The following CDH23 variants were observed in gnomAD, a reference collection of about 807,000 sequenced individuals.
The protein encoded by CDH23 is cadherin related 23.
In CDH23, 189 loss-of-function variants were observed where a neutral mutation model predicts 317.1. The observed-to-expected ratio is 0.60, with a 90% confidence interval of 0.53 to 0.67. CDH23 has a LOEUF of 0.67. Among genes scored for constraint, CDH23 ranks in the 30% least tolerant of loss-of-function variants. The pLI, the probability that CDH23 is intolerant of heterozygous loss-of-function variation, is 0.00. For missense variants in CDH23, 4,401 were observed against 4,592.4 expected (o/e 0.96, Z 1.20); for synonymous variants, 1,839 against 1,876.8 (o/e 0.98, Z 0.52).
At chr10:71,664,569 A>T (rs1417055496) in intron 14 of CDH23, among the ~76,000 whole-genome samples, 2 of 152,204 alleles carry the variant, frequency 1.3e-5, no homozygotes, top group East Asian at 3.9e-4. Flanking sequence ...ATGTTTGCAG[A>T]GGGCTGGACA....
At chr10:71,679,871 G>A (rs1417939962) in intron 17 of CDH23, among the ~76,000 whole-genome samples, 1 of 152,204 alleles carries the variant, frequency 6.6e-6, no homozygotes, top group Non-Finnish European at 1.5e-5. Flanking sequence ...GTGGGACCAG[G>A]CACTCTGCAC....
intron 14 of CDH23, among the ~76,000 whole-genome samples, chr10:71,649,189 C>T (rs1417486624): frequency 6.6e-6 from 1 of 152,180 alleles, no homozygotes; most frequent in African/African-American, 2.4e-5. Context: ...CCTCCTTCAC[C>T]CGGCAGCTCT....
At chr10:71,671,738 T>C (rs978503693) in intron 14 of CDH23, among the ~76,000 whole-genome samples, 1 of 152,128 alleles carries the variant, frequency 6.6e-6, no homozygotes, top group Non-Finnish European at 1.5e-5. Flanking sequence ...GGGGGGCTGC[T>C]CTGGGAATAC....
At chr10:71,712,497 GTTA>G (rs1866013737) in intron 27 of CDH23, 165 bp from the exon 28 acceptor site, 1 of 648,138 alleles carries the variant, frequency 1.5e-6, no homozygotes, top group Non-Finnish European at 2.7e-6. Context: ...ATTTGATACT[GTTA>G]GTGTTATTCC....
At chr10:71,568,232 G>A (rs1382758258) in intron 7 of CDH23, among the ~76,000 whole-genome samples, 3 of 152,356 alleles carry the variant, frequency 2.0e-5, no homozygotes, top group Admixed American at 6.5e-5. Flanking sequence ...GCTGCTGTTT[G>A]TAAAACTGAC....
intron 32 of CDH23, 135 bp downstream of exon 32, chr10:71,732,510 T>A: frequency 7.3e-7 from 1 of 1,363,466 alleles, no homozygotes; most frequent in Non-Finnish European, 9.9e-7. Context: ...TAGGTACCTG[T>A]AGTCCCAGCT....
chr10:71,573,044 C>T (rs2132383068), intron 8 of CDH23, among the ~76,000 whole-genome samples: 1 of 152,340 alleles, frequency 6.6e-6, no homozygotes, highest in African/African-American at 2.4e-5. Flanking sequence ...CTGACCAGGT[C>T]CTCACTGGGA....
At chr10:71,484,293 A>G (rs910053621) in intron 3 of CDH23, among the ~76,000 whole-genome samples, 11 of 152,226 alleles carry the variant, frequency 7.2e-5, no homozygotes, top group Admixed American at 6.5e-4. Flanking sequence ...ATAAGCAGAC[A>G]GGGCCAAAGT....
chr10:71,777,558 C>T, intron 38 of CDH23, 122 bp from the exon 39 acceptor site: 1 of 829,286 alleles, frequency 1.2e-6, no homozygotes, highest in Non-Finnish European at 1.9e-6. Flanking sequence ...CCCCTGCTTT[C>T]TTCTCCTTGC....
At chr10:71,654,808 G>C (rs1343353343) in intron 14 of CDH23, among the ~76,000 whole-genome samples, 1 of 152,180 alleles carries the variant, frequency 6.6e-6, no homozygotes, top group African/African-American at 2.4e-5. Context: ...GCCTCTGGGG[G>C]AGGAGTGTCC....
chr10:71,632,465 T>C (rs1464102257), intron 11 of CDH23, among the ~76,000 whole-genome samples: 1 of 152,062 alleles, frequency 6.6e-6, no homozygotes, highest in Non-Finnish European at 1.5e-5. Context: ...ATGGGGGTGG[T>C]ACCAGTGGGC....
chr10:71,771,478 T>G (rs1225658776), intron 38 of CDH23, among the ~76,000 whole-genome samples: 1 of 152,208 alleles, frequency 6.6e-6, no homozygotes, highest in Non-Finnish European at 1.5e-5. Context: ...CTTCTCAACT[T>G]ACAGATCCTG....
intron 60 of CDH23, 148 bp downstream of exon 60, chr10:71,808,155 A>G: frequency 1.1e-6 from 1 of 942,000 alleles, no homozygotes; most frequent in Admixed American, 2.3e-5. Context: ...TCATCCACCT[A>G]TTCAGCAATC....
In CDH23 at chr10:71,751,820, G is replaced by A. The variant is rs1398056456; in HGVS notation, c.4845+9899G>A. The stretch of plus-strand genomic sequence containing the variant: ...GGCCTCGGGTATCCCCTGGGCAGGT[G>A]GTGAGGCTTCAAAGCCGGGGTTTTC... On this transcript the variant is annotated intron_variant, in intron 38 of 69. Transcript: ENST00000224721. This position sits in a 1 kb window ranked among gnomAD's most constrained non-coding sequence, Gnocchi z 4.9. The A allele has an allele frequency of 2.5e-6, 4 of 1,574,688 alleles. No homozygotes were observed. Among genetic ancestry groups the A allele is most frequent in the Admixed American group, 3.8e-5 (2 of 52,596 alleles).
rs2132988708 is a variant in CDH23, at chr10:71,807,539, C to T, written c.8332C>T (p.His2778Tyr). ...IAAGNEEKNF[H>Y]LQPDGCLLVL... ...AGCCGGCAACGAAGAGAAGAACTTC[C>T]ATCTGCAGCCCGATGGGTGTCTGCT... The change falls in exon 59 of 70, where the codon CAT becomes TAT. Residue 2778 changes from histidine to tyrosine, a missense_variant. Around this residue, in one of 3 missense-constraint regions of CDH23, gnomAD observed 1,144 missense variants for 1,138.2 expected, o/e 1.01. Transcript: ENST00000224721. 1.2e-6 allele frequency: 2 copies of T among 1,613,962 alleles called. No individual in the cohort carries two copies. The highest frequency in any genetic ancestry group is 1.7e-6 in the Non-Finnish European group (2 of 1,179,876).
chr10:71,641,492 A>T (rs1862548854), intron 11 of CDH23, among the ~76,000 whole-genome samples: 1 of 152,160 alleles, frequency 6.6e-6, no homozygotes, highest in Non-Finnish European at 1.5e-5. Flanking sequence ...CTTTGCAAAT[A>T]ATAAGTCATT....
intron 25 of CDH23, among the ~76,000 whole-genome samples, chr10:71,706,329 C>T (rs994364579): frequency 6.6e-6 from 1 of 152,126 alleles, no homozygotes; most frequent in Non-Finnish European, 1.5e-5. Context: ...GCTGAAAGTC[C>T]GTTGCATGCT....
In CDH23 at chr10:71,677,612, C is replaced by A; in HGVS notation, c.1671C>A (p.Asn557Lys). 1 of 1,603,620 alleles carries A rather than the reference C, an allele frequency of 6.2e-7. No individual in the cohort carries two copies. The highest frequency in any genetic ancestry group is 1.1e-5 in the South Asian group (1 of 88,592). Residue 557 changes from asparagine to lysine, a missense_variant, in exon 16 of 70, where the codon AAC becomes AAA. This residue lies in a region of CDH23 where 3,068 missense variants were observed against 3,203.3 expected (regional missense o/e 0.96). Coordinates refer to ENST00000224721, the MANE Select transcript of CDH23 (RefSeq NM_022124.6). ...VRINVLDVND[N>K]VPTFQKDAYV... ...TCAATGTGTTGGATGTCAACGACAA[C>A]GTGCCCACCTTCCAGAAGGATGCCT...
chr10:71,742,092 G>A (rs1298003009), intron 38 of CDH23, 171 bp downstream of exon 38: 27 of 644,546 alleles, frequency 4.2e-5, no homozygotes, highest in South Asian at 4.0e-4. Context: ...CTCCCCTTAC[G>A]GAGGCCTGTT....
Sources: gnomAD v4.1 joint callset for allele counts (sites outside exome capture counted in the v4.1 genomes callset) on GRCh38, gnomAD v4.1.1 for gene constraint, gnomAD v4.1.1 regional missense constraint, Gnocchi (gnomAD v3.1) non-coding constraint, MANE v1.5 for transcripts, NCBI Gene and HGNC (gene_info 2026-07-23, HGNC 2026-07-21) for gene names.